Variants in ERAP1 observed in about 807,000 individuals in gnomAD.
ERAP1 encodes the protein endoplasmic reticulum aminopeptidase 1.
ERAP1 carries 86 observed loss-of-function variants against 103.7 expected under a neutral mutation model. The ratio of observed to expected loss-of-function variants is 0.83; its 90% confidence interval spans 0.70 to 0.99. The LOEUF (loss-of-function observed/expected upper bound fraction) is 0.99. Ranked by LOEUF, ERAP1 falls within the 50% of genes least tolerant of loss-of-function variation. The pLI is 0.00. For missense variants in ERAP1, 1,009 were observed against 1,128.4 expected (o/e 0.89, Z 1.52); for synonymous variants, 398 against 402.4 (o/e 0.99, Z 0.13).
chr5:96,875,794 G>C, the ERAP1 span: 1 of 152,282 alleles, frequency 6.6e-6, no homozygotes, highest in Non-Finnish European at 1.5e-5. Context: ...AACCCTTGAA[G>C]GAGGGATCAC....
intron 13 of ERAP1, chr5:96,785,287 A>T (rs1363259792): frequency 5.5e-6 from 1 of 181,400 alleles, no homozygotes; most frequent in African/African-American, 2.4e-5. Flanking sequence ...TTCCATAAAG[A>T]TGCTGCAAAG....
chr5:96,842,418 T>C, the ERAP1 span, among the ~76,000 whole-genome samples: 8 of 152,246 alleles, frequency 5.3e-5, no homozygotes, highest in Non-Finnish European at 8.8e-5. Flanking sequence ...TGTAAAAGTG[T>C]TCTATTTTCA....
the ERAP1 span, chr5:96,915,633 TA>T: frequency 5.7e-6 from 6 of 1,045,702 alleles, no homozygotes; most frequent in Non-Finnish European, 8.2e-6. Flanking sequence ...CATGATATAA[TA>T]AACATAAGGT....
chr5:96,795,150 C>G lies in ERAP1; in HGVS notation c.811G>C (p.Ala271Pro). Reference sequence around the variant, plus strand: ...GCTTGATTTATCTTGTCTGGCACAGCATAAACAGAAACCTAAAGAGAAAGG... The same window carrying G: ...GCTTGATTTATCTTGTCTGGCACAGGATAAACAGAAACCTAAAGAGAAAGG... ...TKSGVKVSVY[A>P]VPDKINQADY... Residue 271 changes from alanine to proline, a missense_variant, in exon 5 of 19, where the codon GCT becomes CCT. Ala to Pro is a conservative substitution (Grantham distance 27). Coordinates refer to ENST00000443439, the MANE Select transcript of ERAP1 (RefSeq NM_001040458.3). 3 of 1,613,696 alleles carry G rather than the reference C, an allele frequency of 1.9e-6. No individual in the cohort carries two copies. Among genetic ancestry groups the G allele is most frequent in the Non-Finnish European group, 2.5e-6 (3 of 1,179,970 alleles).
chr5:96,866,011 C>T, the ERAP1 span, among the ~76,000 whole-genome samples: 1 of 152,182 alleles, frequency 6.6e-6, no homozygotes, highest in Non-Finnish European at 1.5e-5. Flanking sequence ...CTCAATCTAC[C>T]AAATATACAT....
the ERAP1 span, among the ~76,000 whole-genome samples, chr5:96,861,493 G>T: frequency 4.6e-5 from 7 of 152,168 alleles, no homozygotes; most frequent in Admixed American, 3.3e-4. Flanking sequence ...TAGTCTCAAG[G>T]TTCATAAGCA....
At position 96,781,753 on chromosome 5, in the gene ERAP1, G is replaced by A. The variant is rs759753328; in HGVS notation, c.2387C>T (p.Thr796Ile). ...YSKYQFSLSS[T>I]EKSQIEFALC... ...GGCAAATTCAATTTGGCTTTTCTCA[G>A]TACTGGACAAAGAAAACTGATATTT... The change falls in exon 16 of 19, where the codon ACT becomes ATT. Residue 796 changes from threonine (T) to isoleucine (I), a missense_variant. Transcript: ENST00000443439. The A allele has an allele frequency of 6.2e-7, 1 of 1,614,142 alleles. No individual in the cohort carries two copies. Among genetic ancestry groups the A allele is most frequent in the Admixed American group, 1.7e-5 (1 of 60,014 alleles).
intron 18 of ERAP1, among the ~76,000 whole-genome samples, chr5:96,778,846 G>A (rs27039): frequency 0.47 from 72,072 of 152,016 alleles, 18,171 homozygotes; most frequent in Non-Finnish European, 0.56. Context: ...AGGGAAGACC[G>A]GCAGGACTTG....
intron 19 of ERAP1, chr5:96,767,797 GT>G (rs1770549823): frequency 5.8e-6 from 4 of 688,526 alleles, no homozygotes; most frequent in South Asian, 3.5e-5. Context: ...ATGTCAGTCA[GT>G]TTTTTTCTTA....
rs912727158 is a variant in ERAP1, at chr5:96,775,246, C to G, written c.*1150G>C. The stretch of plus-strand genomic sequence containing the variant: ...AGCAGCAACTGTGTGCTGAAGCAAC[C>G]GTGTGTGAAGTCTTCACAAAAGAAA... On this transcript the variant is annotated 3_prime_UTR_variant, in exon 19 of 19. Transcript: ENST00000443439. 3.1e-6 allele frequency: 3 copies of G among 963,432 alleles called. No homozygotes were observed. The South Asian group carries it at 1.5e-4, about 48-fold the overall frequency. The allele number at this position is 963,432 out of a possible 1,614,324, so 59.7% of individuals were successfully genotyped here.
At chr5:96,846,918 A>C in the ERAP1 span, among the ~76,000 whole-genome samples, 2 of 151,682 alleles carry the variant, frequency 1.3e-5, no homozygotes, top group African/African-American at 4.8e-5. Context: ...GAATGGCATA[A>C]AAGAGTGTCC....
At chr5:96,895,161 A>AC in the ERAP1 span, 40 of 775,132 alleles carry the variant, frequency 5.2e-5, no homozygotes, top group African/African-American at 6.6e-4. Context: ...TAATAAAAAA[A>AC]AAGTTAGTAA....
the ERAP1 span, among the ~76,000 whole-genome samples, chr5:96,914,016 G>A: frequency 1.1e-3 from 167 of 152,202 alleles, no homozygotes; most frequent in African/African-American, 3.7e-3. Context: ...TTTCAACTTT[G>A]GGGAGAACTG....
the ERAP1 span, chr5:96,886,686 T>G: frequency 6.4e-7 from 1 of 1,552,682 alleles, no homozygotes; most frequent in Non-Finnish European, 8.8e-7. Context: ...GGAGGTCTTT[T>G]GGAAGATCAC....
At chr5:96,814,500 G>T in the ERAP1 span, among the ~76,000 whole-genome samples, 1 of 152,150 alleles carries the variant, frequency 6.6e-6, no homozygotes, top group Non-Finnish European at 1.5e-5. Context: ...TAACTGGTGA[G>T]TGGATAATTG....
chr5:96,782,031 G>T (rs186163418), intron 15 of ERAP1, among the ~76,000 whole-genome samples, 177 bp from the exon 16 acceptor site: 2,512 of 143,740 alleles, frequency 0.017, 74 homozygotes, highest in Admixed American at 0.079. Flanking sequence ...TTTTTTTTAG[G>T]ACGGAGTCTT....
rs758643883 is a variant in ERAP1, at chr5:96,790,504, A to G, written c.1452+8T>C. 1 of 1,613,852 alleles carries G rather than the reference A, an allele frequency of 6.2e-7. No individual in the cohort carries two copies. Among genetic ancestry groups the G allele is most frequent in the East Asian group, 2.2e-5 (1 of 44,866 alleles). ...CCCAAATGCAGAGATATTCAAAAAC[A>G]TACTCACACTTGCCATACTATCCCA... On this transcript the variant is annotated splice_region_variant and intron_variant, in intron 9 of 18. Transcript: ENST00000443439.
the ERAP1 span, among the ~76,000 whole-genome samples, chr5:96,852,688 A>G: frequency 6.6e-6 from 1 of 152,220 alleles, no homozygotes; most frequent in Non-Finnish European, 1.5e-5. Context: ...GACAATTAAA[A>G]TAGACTTTTC....
chr5:96,924,386 C>T, the ERAP1 span, among the ~76,000 whole-genome samples: 14 of 152,182 alleles, frequency 9.2e-5, no homozygotes, highest in African/African-American at 3.4e-4. Context: ...GAATCATAGT[C>T]AAATGTAATT....
Sources: gnomAD v4.1 joint callset for allele counts (sites outside exome capture counted in the v4.1 genomes callset) on GRCh38, gnomAD v4.1.1 for gene constraint, MANE v1.5 for transcripts, NCBI Gene and HGNC (gene_info 2026-07-23, HGNC 2026-07-21) for gene names.